Variants in ATP13A4 observed in about 807,000 individuals in gnomAD.
ATP13A4 encodes the protein probable cation-transporting ATPase 13A4.
ATP13A4 carries 114 observed loss-of-function variants against 142.5 expected under a neutral mutation model. That is an observed-to-expected ratio of 0.80 (90% CI 0.69 to 0.93). ATP13A4 has a LOEUF of 0.93. Ranked by LOEUF, ATP13A4 falls within the 40% of genes least tolerant of loss-of-function variation. The probability of loss-of-function intolerance (pLI) is 0.00; values close to 1 mark genes in which losing one functional copy is unlikely to be tolerated. For missense variants in ATP13A4, 1,392 were observed against 1,454.0 expected, an observed-to-expected ratio of 0.96 and a Z score of 0.69; for synonymous variants, 488 against 514.8, an observed-to-expected ratio of 0.95 and a Z score of 0.70.
chr3:193,432,832 T>A (rs1175504005), intron 25 of ATP13A4, among the ~76,000 whole-genome samples: 2 of 152,068 alleles, frequency 1.3e-5, no homozygotes, highest in Admixed American at 6.6e-5. Context: ...GGAAGATGAC[T>A]AGGCAGAGCA....
rs1172655537 is a variant in ATP13A4, at chr3:193,492,915, A to T, written c.533+2T>A. 1 of 1,598,056 alleles carries T rather than the reference A, an allele frequency of 6.3e-7. No individual in the cohort carries two copies. Among genetic ancestry groups the T allele is most frequent in the Non-Finnish European group, 8.6e-7 (1 of 1,166,606 alleles). On this transcript the variant is annotated splice_donor_variant, in intron 5 of 29. Transcript: ENST00000342695. LOFTEE classifies it high-confidence loss of function. ...TAGTATAGGCAATAATATGCATGGT[A>T]CCTAATCTCCTGTTCTTCTCTTGTC... is the stretch of plus-strand genomic sequence containing the variant.
At chr3:193,586,822 T>C (rs766993820) in intron 1 of ATP13A4, among the ~76,000 whole-genome samples, 1 of 152,246 alleles carries the variant, frequency 6.6e-6, no homozygotes, top group Non-Finnish European at 1.5e-5. Context: ...TCTGAGCTCT[T>C]TGCATTTCTA....
intron 1 of ATP13A4, among the ~76,000 whole-genome samples, chr3:193,542,284 C>A (rs868339972): frequency 2.2e-4 from 34 of 152,008 alleles, no homozygotes; most frequent in Admixed American, 7.9e-4. Flanking sequence ...AGAATCTCTT[C>A]AAGGAGAATT....
At chr3:193,542,289 A>G (rs1006165781) in intron 1 of ATP13A4, among the ~76,000 whole-genome samples, 1 of 152,222 alleles carries the variant, frequency 6.6e-6, no homozygotes, top group African/African-American at 2.4e-5. Context: ...CTCTTCAAGG[A>G]GAATTAGAAA....
intron 8 of ATP13A4, among the ~76,000 whole-genome samples, chr3:193,475,701 A>T (rs1179151169): frequency 6.6e-6 from 1 of 152,116 alleles, no homozygotes; most frequent in Non-Finnish European, 1.5e-5. Flanking sequence ...AAAAGCTAAC[A>T]CTAAAATCTA....
chr3:193,462,349 G>A (rs1411343091), intron 13 of ATP13A4, among the ~76,000 whole-genome samples: 1 of 152,146 alleles, frequency 6.6e-6, no homozygotes, highest in Non-Finnish European at 1.5e-5. Flanking sequence ...CTGAAATTCA[G>A]GGTACAAAAG....
intron 3 of ATP13A4, among the ~76,000 whole-genome samples, chr3:193,493,477 T>C (rs1720055340): frequency 6.6e-6 from 1 of 152,038 alleles, no homozygotes; most frequent in Admixed American, 6.6e-5. Context: ...TACAGTCCAA[T>C]ATGTACCATG....
rs763054132 is a variant in ATP13A4 at position 193,410,995 on chromosome 3, T to TATA, written c.3281_3283dup (p.Leu1094dup). On this transcript the variant is annotated inframe_insertion, in exon 28 of 30. Coordinates refer to ENST00000342695, the MANE Select transcript of ATP13A4 (RefSeq NM_032279.4). ...GATTAGACTTACATCCAAACGTCTA[T>TATA]ATAATTCTGGTATATCAGCAAATAG... The TATA allele has an allele frequency of 6.2e-7, 1 of 1,604,516 alleles. No individual in the cohort carries two copies. The highest frequency in any genetic ancestry group is 1.7e-5 in the Admixed American group (1 of 59,990).
intron 23 of ATP13A4, among the ~76,000 whole-genome samples, chr3:193,436,287 G>C (rs1716262368): frequency 6.6e-6 from 1 of 152,150 alleles, no homozygotes; most frequent in African/African-American, 2.4e-5. Context: ...ATATCAAATT[G>C]AAATAGGCTG....
chr3:193,460,959 A>G (rs921103945), intron 13 of ATP13A4, among the ~76,000 whole-genome samples: 1 of 152,228 alleles, frequency 6.6e-6, no homozygotes, highest in African/African-American at 2.4e-5. Flanking sequence ...TGAATAGTCT[A>G]TAAGTCAGGT....
At chr3:193,421,691 G>C (rs1031457607) in intron 25 of ATP13A4, among the ~76,000 whole-genome samples, 3 of 149,808 alleles carry the variant, frequency 2.0e-5, no homozygotes, top group East Asian at 2.1e-4. Flanking sequence ...CTAGAGATTT[G>C]TATGTGACTG....
chr3:193,486,128 A>C (rs529680536), intron 7 of ATP13A4, among the ~76,000 whole-genome samples: 217 of 151,242 alleles, frequency 1.4e-3, no homozygotes, highest in African/African-American at 5.2e-3. Flanking sequence ...TTTAATTCTT[A>C]ATTTGGTAAA....
chr3:193,551,702 C>T (rs967645222), intron 1 of ATP13A4, among the ~76,000 whole-genome samples: 14 of 152,322 alleles, frequency 9.2e-5, no homozygotes, highest in East Asian at 3.9e-4. Context: ...AGCAGGCAAG[C>T]GGCTGGCCCA....
intron 1 of ATP13A4, among the ~76,000 whole-genome samples, chr3:193,591,608 A>G (rs1480724543): frequency 6.6e-6 from 1 of 152,230 alleles, no homozygotes; most frequent in Non-Finnish European, 1.5e-5. Context: ...CATTTCATAC[A>G]GTGCAGAAAT....
chr3:193,464,937 T>C lies in ATP13A4; in HGVS notation c.1461+3A>G, dbSNP rs369940158. On this transcript the variant is annotated splice_donor_region_variant and intron_variant, in intron 12 of 29. Coordinates refer to ENST00000342695, the MANE Select transcript of ATP13A4 (RefSeq NM_032279.4). Reference sequence around the variant, plus strand: ...GATAAGAATAAGGATGAAACACACATACCTTGTCAAAGCAGACAAGGTTTA... The same window carrying C: ...GATAAGAATAAGGATGAAACACACACACCTTGTCAAAGCAGACAAGGTTTA... 6.2e-7 allele frequency: 1 copy of C among 1,612,370 alleles called. No individual in the cohort carries two copies. The highest frequency in any genetic ancestry group is 1.1e-5 in the South Asian group (1 of 91,032).
At chr3:193,457,561 C>T (rs1717702708) in intron 14 of ATP13A4, 96 bp from the exon 15 acceptor site, 3 of 1,124,492 alleles carry the variant, frequency 2.7e-6, no homozygotes, top group Non-Finnish European at 4.0e-6. Flanking sequence ...ATCCTCAGAC[C>T]ACCTCAATGT....
At chr3:193,427,219 A>C (rs968314081) in intron 25 of ATP13A4, among the ~76,000 whole-genome samples, 13 of 152,128 alleles carry the variant, frequency 8.5e-5, no homozygotes, top group Non-Finnish European at 1.2e-4. Context: ...CAAAGAGAAT[A>C]AAATACCTAG....
chr3:193,566,709 C>A (rs1170676955), intron 2 of ATP13A4, among the ~76,000 whole-genome samples: 1 of 152,166 alleles, frequency 6.6e-6, no homozygotes, highest in Non-Finnish European at 1.5e-5. Context: ...TTTGGAAGGT[C>A]TCTTGCTAAC....
chr3:193,552,173 C>T (rs945728995), intron 1 of ATP13A4, among the ~76,000 whole-genome samples: 10 of 152,146 alleles, frequency 6.6e-5, no homozygotes, highest in African/African-American at 2.4e-4. Flanking sequence ...GGGGTTTCAC[C>T]ATGTTGGCCA....
Sources: allele counts gnomAD v4.1 joint callset (sites outside exome capture counted in the v4.1 genomes callset), GRCh38; gene constraint gnomAD v4.1.1; transcripts MANE v1.5; gene names NCBI Gene and HGNC (gene_info 2026-07-23, HGNC 2026-07-21).